The following PRKN variants were observed in gnomAD, a reference collection of about 807,000 sequenced individuals.
PRKN encodes the protein parkin RBR E3 ubiquitin protein ligase.
In PRKN, 56 loss-of-function variants were observed where a neutral mutation model predicts 59.5. That is an observed-to-expected ratio of 0.94 (90% CI 0.76 to 1.18). The LOEUF is 1.18. Among genes scored for constraint, PRKN ranks in the 50% most tolerant of loss-of-function variants. The pLI is 0.00. For synonymous variants in PRKN, 250 were observed against 222.1 expected (o/e 1.13, Z -1.12); for missense variants, 657 against 596.4 (o/e 1.10, Z -1.06).
intron 4 of PRKN, among the ~76,000 whole-genome samples, chr6:162,122,334 T>C (rs1422774030): frequency 6.6e-6 from 1 of 152,160 alleles, no homozygotes; most frequent in Non-Finnish European, 1.5e-5. Flanking sequence ...AGGGCACAGT[T>C]CTCCCAGAAG....
intron 5 of PRKN, among the ~76,000 whole-genome samples, chr6:162,000,305 T>G (rs1345519173): frequency 1.3e-5 from 2 of 152,084 alleles, no homozygotes; most frequent in African/African-American, 2.4e-5. Context: ...TCCCCAGCAT[T>G]TGGTGGTGTC....
In PRKN at chr6:161,471,367, A is replaced by T. The variant is rs1041273022; in HGVS notation, c.1083+77487T>A. The stretch of plus-strand genomic sequence containing the variant: ...GTAAGCAGCTTTATAATAAGAAAAT[A>T]TTTGTTTATGAATTCAAACTTATGA... On this transcript the variant is annotated intron_variant, in intron 9 of 11. Transcript: ENST00000366898. The surrounding 1 kb of genome is among the most constrained non-coding windows in gnomAD (Gnocchi z 4.5). Among the ~76,000 whole-genome samples, 9 of 152,204 alleles carry T rather than the reference A, an allele frequency of 5.9e-5. No individual in the cohort carries two copies. The highest frequency in any genetic ancestry group is 9.6e-5 in the African/African-American group (4 of 41,452).
At chr6:162,091,160 C>T (rs781780616) in intron 4 of PRKN, among the ~76,000 whole-genome samples, 109 of 150,576 alleles carry the variant, frequency 7.2e-4, no homozygotes, top group South Asian at 1.7e-3. Context: ...TGATTATAAG[C>T]ATTTTTTAAA....
Position 162,276,180 on chromosome 6 carries a change from C to T in PRKN, c.172-13415G>A, listed in dbSNP as rs190580673. ...TCAATCTGATATTTCCCATTCAAAC[C>T]GAGGAGTAGAGGGTTTTAAATAATC... On this transcript the variant is annotated intron_variant, in intron 2 of 11. Coordinates refer to ENST00000366898, the MANE Select transcript of PRKN (RefSeq NM_004562.3). Among the ~76,000 whole-genome samples the T allele has an allele frequency of 2.9e-3, 435 of 152,186 alleles. 6 individuals are homozygous for T. The highest frequency in any genetic ancestry group is 3.1e-3 in the Non-Finnish European group (212 of 68,010).
intron 1 of PRKN, among the ~76,000 whole-genome samples, chr6:162,475,910 C>T (rs1204726256): frequency 2.0e-5 from 3 of 151,848 alleles, no homozygotes; most frequent in Non-Finnish European, 4.4e-5. Context: ...CACCACCATG[C>T]CCAGCTAATT....
At chr6:161,638,737 G>GGTTT in intron 7 of PRKN, among the ~76,000 whole-genome samples, 1 of 61,566 alleles carries the variant, frequency 1.6e-5, no homozygotes, top group Non-Finnish European at 3.0e-5. Flanking sequence ...CACGAGATCT[G>GGTTT]ATTTTTTTTT....
At chr6:162,498,393 C>CTTTTTTT (rs60024002) in intron 1 of PRKN, among the ~76,000 whole-genome samples, 813 of 21,534 alleles carry the variant, frequency 0.038, 184 homozygotes, top group Non-Finnish European at 0.064. Context: ...TCTTTCTTTC[C>CTTTTTTT]TTTTTTTTTT....
chr6:161,939,354 G>A (rs1583375408), intron 6 of PRKN, among the ~76,000 whole-genome samples: 1 of 145,636 alleles, frequency 6.9e-6, no homozygotes, highest in South Asian at 2.2e-4. Context: ...GGCGGTGGAG[G>A]TTGCAGTGAG....
At chr6:162,631,862 T>C (rs967700330) in intron 1 of PRKN, among the ~76,000 whole-genome samples, 2 of 151,888 alleles carry the variant, frequency 1.3e-5, no homozygotes, top group African/African-American at 2.4e-5. Context: ...AGTTTTTTTA[T>C]ATAGGGTGAA....
At chr6:161,838,851 G>A (rs1043773303) in intron 6 of PRKN, among the ~76,000 whole-genome samples, 1 of 152,142 alleles carries the variant, frequency 6.6e-6, no homozygotes, top group African/African-American at 2.4e-5. Context: ...AGCAAGGACC[G>A]AGTTATAGGT....
rs778612938 is a variant in PRKN, at chr6:161,785,878, G to A, written c.765C>T (p.Ser255=). The A allele has an allele frequency of 1.5e-5, 24 of 1,613,944 alleles. No individual in the cohort carries two copies. The highest frequency in any genetic ancestry group is 1.9e-5 in the Non-Finnish European group (23 of 1,179,938). ...AACAGTCTAAGCAAATCACGTGGCG[G>A]GAGTTGCACTGGAAAACCAGGACGG... ...RSPVLVFQCN[S]RHVICLDCFH... Residue 255 remains serine (S), a synonymous_variant, in exon 7 of 12, where the codon TCC becomes TCT. Transcript: ENST00000366898.
At chr6:161,778,348 A>C (rs1041177259) in intron 7 of PRKN, among the ~76,000 whole-genome samples, 16 of 152,202 alleles carry the variant, frequency 1.1e-4, no homozygotes, top group African/African-American at 3.9e-4. Flanking sequence ...AAATCAAGGA[A>C]TGGATTGGAG....
At chr6:162,568,880 G>A (rs761199376) in intron 1 of PRKN, 2 of 701,374 alleles carry the variant, frequency 2.9e-6, no homozygotes, top group Non-Finnish European at 5.2e-6. Context: ...CAGAGATGGA[G>A]AATGAATTTA....
At chr6:162,677,099 T>C (rs1197050119) in intron 1 of PRKN, among the ~76,000 whole-genome samples, 1 of 138,744 alleles carries the variant, frequency 7.2e-6, no homozygotes, top group Non-Finnish European at 1.5e-5. Flanking sequence ...TAAGAATCAA[T>C]GCATGTGGTA....
intron 1 of PRKN, among the ~76,000 whole-genome samples, chr6:162,668,592 T>C (rs1779195387): frequency 6.6e-6 from 1 of 152,050 alleles, no homozygotes; most frequent in Non-Finnish European, 1.5e-5. Flanking sequence ...TGGCTGTGTA[T>C]GGGGGCGCAG....
At chr6:161,699,538 C>T (rs1464555237) in intron 7 of PRKN, among the ~76,000 whole-genome samples, 1 of 152,024 alleles carries the variant, frequency 6.6e-6, no homozygotes, top group Non-Finnish European at 1.5e-5. Flanking sequence ...CATGGATAAC[C>T]TTAATATAAT....
intron 7 of PRKN, among the ~76,000 whole-genome samples, chr6:161,730,983 T>C (rs1787683926): frequency 1.3e-5 from 2 of 152,040 alleles, no homozygotes; most frequent in East Asian, 1.9e-4. Context: ...CTTTCTGATA[T>C]GTTGCAGCCT....
Position 161,502,294 on chromosome 6 carries a change from C to T in PRKN, c.1083+46560G>A, listed in dbSNP as rs556213536. On this transcript the variant is annotated intron_variant, in intron 9 of 11. Transcript: ENST00000366898. This position sits in a 1 kb window ranked among gnomAD's most constrained non-coding sequence, Gnocchi z 4.0. ...ACGCTGAGACATAAAGAGATTAAGA[C>T]GCTGTCAACCAAGCCAATAACAATA... Among the ~76,000 whole-genome samples the T allele has an allele frequency of 2.0e-5, 3 of 152,150 alleles. No individual in the cohort carries two copies. The highest frequency in any genetic ancestry group is 2.1e-4 in the South Asian group (1 of 4,828).
At chr6:162,319,563 T>C (rs758199842) in intron 2 of PRKN, among the ~76,000 whole-genome samples, 2 of 152,028 alleles carry the variant, frequency 1.3e-5, no homozygotes, top group Non-Finnish European at 2.9e-5. Context: ...TAAGGGCTTA[T>C]TGTGTGTTAG....
Sources: allele counts gnomAD v4.1 joint callset (sites outside exome capture counted in the v4.1 genomes callset), GRCh38; gene constraint gnomAD v4.1.1; non-coding constraint Gnocchi (gnomAD v3.1); transcripts MANE v1.5; gene names NCBI Gene and HGNC (gene_info 2026-07-23, HGNC 2026-07-21).